PRICKLE1: variants seen among roughly 807,000 people sequenced by gnomAD.
PRICKLE1 encodes prickle-like protein 1.
PRICKLE1 carries 14 observed loss-of-function variants against 70.2 expected under a neutral mutation model. The observed-to-expected ratio is 0.20, with a 90% confidence interval of 0.13 to 0.31. The LOEUF is 0.31. Ranked by LOEUF, PRICKLE1 falls within the 10% of genes least tolerant of loss-of-function variation. The pLI is 1.00. For missense variants in PRICKLE1, 821 were observed against 1,026.2 expected, an observed-to-expected ratio of 0.80 and a Z score of 2.73; for synonymous variants, 357 against 379.9, an observed-to-expected ratio of 0.94 and a Z score of 0.70.
intron 1 of PRICKLE1, among the ~76,000 whole-genome samples, chr12:42,564,335 G>A (rs537530002): frequency 9.9e-5 from 15 of 151,802 alleles, no homozygotes; most frequent in Non-Finnish European, 1.3e-4. Flanking sequence ...GGCCGGGCGT[G>A]GTGGCTCACG....
chr12:42,589,538 G>T lies in PRICKLE1; in HGVS notation c.-122C>A. 6.5e-6 allele frequency: 1 copy of T among 154,696 alleles called. No individual in the cohort carries two copies. The highest frequency in any genetic ancestry group is 1.8e-4 in the South Asian group (1 of 5,600). The allele number at this position is 154,696 out of a possible 1,614,324, so 9.6% of individuals were successfully genotyped here. On this transcript the variant is annotated 5_prime_UTR_variant, in exon 1 of 8. Transcript: ENST00000345127. The surrounding 1 kb of genome is among the most constrained non-coding windows in gnomAD (Gnocchi z 5.0). Reference sequence around the variant, plus strand: ...CGGGGCTGCTGGGCTGCGGGGCTGCGGGGCTGAGGAGCTGCGGTCCGCGGC... The same window carrying T: ...CGGGGCTGCTGGGCTGCGGGGCTGCTGGGCTGAGGAGCTGCGGTCCGCGGC...
chr12:42,514,115 AT>A (rs1939563850), intron 1 of PRICKLE1, among the ~76,000 whole-genome samples: 1 of 152,198 alleles, frequency 6.6e-6, no homozygotes, highest in South Asian at 2.1e-4. Context: ...CCATCTCAAA[AT>A]TCATTTGGTG....
intron 1 of PRICKLE1, among the ~76,000 whole-genome samples, chr12:42,487,341 G>C (rs1481651403): frequency 6.6e-6 from 1 of 152,144 alleles, no homozygotes; most frequent in South Asian, 2.1e-4. Flanking sequence ...GCTCTTCTTA[G>C]GGCTAACAGG....
intron 1 of PRICKLE1, among the ~76,000 whole-genome samples, chr12:42,509,370 T>C (rs975512180): frequency 5.9e-5 from 9 of 152,176 alleles, no homozygotes; most frequent in Admixed American, 5.2e-4. Context: ...CAAAGAACTA[T>C]TGAAAAAGGA....
At chr12:42,504,285 C>T (rs1476987856) in intron 1 of PRICKLE1, among the ~76,000 whole-genome samples, 6 of 152,174 alleles carry the variant, frequency 3.9e-5, no homozygotes, top group Non-Finnish European at 7.3e-5. Context: ...AAACTTCTTA[C>T]TCAGGAATAT....
chr12:42,467,598 T>C (rs1593110181), intron 5 of PRICKLE1, among the ~76,000 whole-genome samples: 1 of 151,612 alleles, frequency 6.6e-6, no homozygotes, highest in South Asian at 2.1e-4. Context: ...AAAAAAAAAT[T>C]AGCTGGGCGT....
chr12:42,497,468 G>C (rs568648040), intron 1 of PRICKLE1, among the ~76,000 whole-genome samples: 16 of 147,390 alleles, frequency 1.1e-4, no homozygotes, highest in African/African-American at 3.8e-4. Flanking sequence ...CGAATGGCGT[G>C]AACCCGGGAG....
At chr12:42,537,371 C>T (rs1454803078) in intron 1 of PRICKLE1, among the ~76,000 whole-genome samples, 1 of 152,024 alleles carries the variant, frequency 6.6e-6, no homozygotes, top group Non-Finnish European at 1.5e-5. Context: ...TGCCATGTTG[C>T]CCAGGCTGGT....
intron 1 of PRICKLE1, among the ~76,000 whole-genome samples, chr12:42,491,634 G>GAATGTAA (rs1466243676): frequency 2.0e-5 from 3 of 152,230 alleles, no homozygotes; most frequent in Non-Finnish European, 2.9e-5. Context: ...TTTTAGGTTG[G>GAATGTAA]AATGTAATCC....
intron 1 of PRICKLE1, among the ~76,000 whole-genome samples, chr12:42,537,221 T>C (rs1011153553): frequency 4.6e-5 from 7 of 152,028 alleles, no homozygotes; most frequent in Non-Finnish European, 7.4e-5. Context: ...TCATGATTCA[T>C]CACAGTTCAT....
chr12:42,466,092 A>G, intron 6 of PRICKLE1, 102 bp downstream of exon 6: 1 of 1,228,726 alleles, frequency 8.1e-7, no homozygotes, highest in South Asian at 1.2e-5. Context: ...TATGTAAATT[A>G]TATCTCAACT....
Position 42,475,301 on chromosome 12 carries a change from C to T in PRICKLE1, c.-48-2737G>A, listed in dbSNP as rs139741331. On this transcript the variant is annotated intron_variant, in intron 1 of 7. Coordinates refer to ENST00000345127, the MANE Select transcript of PRICKLE1 (RefSeq NM_153026.3). ...GTTTCATTTTTTAGCAGATGGCTAA[C>T]TTACTTCTCCATGCCTGGCTGGTAC... Among the ~76,000 whole-genome samples, 650 of 152,336 alleles carry T rather than the reference C, an allele frequency of 4.3e-3. 3 individuals carry two copies. Among genetic ancestry groups the T allele is most frequent in the Non-Finnish European group, 7.0e-3 (474 of 68,040 alleles).
chr12:42,524,947 C>T (rs533399649), intron 1 of PRICKLE1: 6 of 152,172 alleles, frequency 3.9e-5, no homozygotes, highest in Non-Finnish European at 8.8e-5. Context: ...GAATGTCCAA[C>T]GTGATTTCAC....
At chr12:42,560,766 T>TCA (rs200503445) in intron 1 of PRICKLE1, among the ~76,000 whole-genome samples, 13 of 119,372 alleles carry the variant, frequency 1.1e-4, no homozygotes, top group African/African-American at 3.2e-4. Context: ...AAGCCCATCT[T>TCA]CTCACACACA....
chr12:42,461,771 A>G (rs376592252), intron 7 of PRICKLE1, among the ~76,000 whole-genome samples: 1 of 152,378 alleles, frequency 6.6e-6, no homozygotes, highest in Middle Eastern at 3.4e-3. Context: ...ACAAAGTGAT[A>G]CTGTTGTCAA....
chr12:42,582,451 T>C (rs985261830), intron 1 of PRICKLE1, among the ~76,000 whole-genome samples: 2 of 152,258 alleles, frequency 1.3e-5, no homozygotes, highest in African/African-American at 4.8e-5. Context: ...TGTGATTCTC[T>C]AATGCGCTTC....
At chr12:42,573,392 ACT>A (rs1940754746) in intron 1 of PRICKLE1, among the ~76,000 whole-genome samples, 1 of 151,868 alleles carries the variant, frequency 6.6e-6, no homozygotes, top group Admixed American at 6.6e-5. Context: ...CTCTTTATTG[ACT>A]CTATGTGGCC....
intron 1 of PRICKLE1, among the ~76,000 whole-genome samples, chr12:42,570,807 A>G (rs1333078649): frequency 6.6e-6 from 1 of 152,206 alleles, no homozygotes; most frequent in African/African-American, 2.4e-5. Flanking sequence ...GCAGCAGAGC[A>G]AAACTCTGTC....
intron 1 of PRICKLE1, among the ~76,000 whole-genome samples, chr12:42,513,408 T>C (rs1037116046): frequency 3.9e-5 from 6 of 152,180 alleles, no homozygotes; most frequent in African/African-American, 1.4e-4. Context: ...ATTTGTTAAA[T>C]GAATACAGCT....
Sources: gnomAD v4.1 joint callset for allele counts (sites outside exome capture counted in the v4.1 genomes callset) on GRCh38, gnomAD v4.1.1 for gene constraint, Gnocchi (gnomAD v3.1) non-coding constraint, MANE v1.5 for transcripts, NCBI Gene and HGNC (gene_info 2026-07-23, HGNC 2026-07-21) for gene names.